SEMA6D: variants seen among roughly 807,000 people sequenced by gnomAD.
The protein encoded by SEMA6D is semaphorin 6D.
A neutral mutation model predicts 106.6 loss-of-function variants in SEMA6D; 35 were observed. That is an observed-to-expected ratio of 0.33 (90% CI 0.25 to 0.44). The LOEUF (loss-of-function observed/expected upper bound fraction) is 0.44, where lower values mean the gene tolerates loss of function less well. Ranked by LOEUF, SEMA6D falls within the 20% of genes least tolerant of loss-of-function variation. SEMA6D has a pLI of 1.00. For synonymous variants in SEMA6D, 499 were observed against 487.7 expected, an observed-to-expected ratio of 1.02 and a Z score of -0.31; for missense variants, 1,185 against 1,345.9, an observed-to-expected ratio of 0.88 and a Z score of 1.87.
rs558846930 is a variant in SEMA6D at position 47,527,032 on chromosome 15, C to T, written c.-87+56487C>T. On this transcript the variant is annotated intron_variant, in intron 3 of 19. Coordinates refer to the SEMA6D transcript ENST00000558014. ...GGTTACAGGCGTGAGCCACTGCACC[C>T]GGCCTGAACCAGTAATTCTTAATTG... Among the ~76,000 whole-genome samples the T allele has an allele frequency of 5.3e-5, 8 of 152,098 alleles. 1 individual carries two copies. Among genetic ancestry groups the T allele is most frequent in the Admixed American group, 4.6e-4 (7 of 15,268 alleles).
At chr15:47,657,803 A>G (rs1227767433) in intron 4 of SEMA6D, among the ~76,000 whole-genome samples, 2 of 119,426 alleles carry the variant, frequency 1.7e-5, no homozygotes, top group African/African-American at 3.3e-5. Context: ...GTGCAGTGGC[A>G]GATCTCGGCT....
At chr15:47,555,614 C>T (rs1173335107) in intron 3 of SEMA6D, among the ~76,000 whole-genome samples, 1 of 152,116 alleles carries the variant, frequency 6.6e-6, no homozygotes, top group Non-Finnish European at 1.5e-5. Flanking sequence ...GAGTCTCCTA[C>T]AACATAGATT....
At chr15:47,461,551 A>G (rs999111413) in intron 2 of SEMA6D, among the ~76,000 whole-genome samples, 6 of 152,084 alleles carry the variant, frequency 3.9e-5, no homozygotes, top group Non-Finnish European at 8.8e-5. Context: ...CATAGCATAG[A>G]ACAGTATTTC....
intron 1 of SEMA6D, among the ~76,000 whole-genome samples, chr15:47,744,522 C>G (rs144033811): frequency 1.3e-5 from 2 of 151,962 alleles, no homozygotes; most frequent in African/African-American, 2.4e-5. Context: ...TGAGAAAGCT[C>G]GAAGAGACAC....
At chr15:47,230,306 A>G (rs1261926853) in intron 1 of SEMA6D, among the ~76,000 whole-genome samples, 1 of 152,216 alleles carries the variant, frequency 6.6e-6, no homozygotes, top group Non-Finnish European at 1.5e-5. Context: ...TAATCTATGT[A>G]AAGTTGTATA....
intron 3 of SEMA6D, among the ~76,000 whole-genome samples, chr15:47,532,839 T>TATA (rs1279022362): frequency 2.0e-5 from 3 of 152,338 alleles, no homozygotes; most frequent in African/African-American, 7.2e-5. Flanking sequence ...AAATTCACTA[T>TATA]ATATAAATTT....
chr15:47,252,974 C>T (rs1464461330), intron 1 of SEMA6D, among the ~76,000 whole-genome samples: 4 of 151,986 alleles, frequency 2.6e-5, no homozygotes, highest in African/African-American at 9.7e-5. Flanking sequence ...AATCTCCATA[C>T]TGTTTTCCAT....
intron 2 of SEMA6D, among the ~76,000 whole-genome samples, chr15:47,464,686 T>C (rs2141082326): frequency 6.6e-6 from 1 of 152,268 alleles, no homozygotes; most frequent in African/African-American, 2.4e-5. Flanking sequence ...TAGTCCTCCA[T>C]GTGCACAAAC....
intron 1 of SEMA6D, among the ~76,000 whole-genome samples, chr15:47,723,037 C>T (rs2079514125): frequency 6.6e-6 from 1 of 152,124 alleles, no homozygotes; most frequent in Admixed American, 6.5e-5. Context: ...TTCACCACTG[C>T]ACCGGATTGC....
intron 4 of SEMA6D, among the ~76,000 whole-genome samples, chr15:47,674,470 A>T (rs955654876): frequency 1.3e-5 from 2 of 152,204 alleles, no homozygotes; most frequent in African/African-American, 4.8e-5. Context: ...ATTGTCAATA[A>T]ACTATTCTTT....
At chr15:47,598,392 A>G (rs1415964132) in intron 3 of SEMA6D, among the ~76,000 whole-genome samples, 2 of 152,282 alleles carry the variant, frequency 1.3e-5, no homozygotes, top group African/African-American at 4.8e-5. Context: ...TTTTGGTTTT[A>G]GGGAAATCCA....
chr15:47,500,960 G>A (rs1478635773), intron 3 of SEMA6D, among the ~76,000 whole-genome samples: 2 of 152,076 alleles, frequency 1.3e-5, no homozygotes, highest in Admixed American at 1.3e-4. Context: ...TGTGAAACAG[G>A]TATGCTATTT....
Position 47,434,025 on chromosome 15 carries a change from A to G in SEMA6D, c.-159+21553A>G, listed in dbSNP as rs552676049. On this transcript the variant is annotated intron_variant, in intron 2 of 19. Coordinates refer to the SEMA6D transcript ENST00000558014. ...GTTTTCATCATCTGAATAAATTCCAAAAGTTGGCTAAAATCATAAGTGGTG... is the reference window on the plus strand; with the variant it reads ...GTTTTCATCATCTGAATAAATTCCAGAAGTTGGCTAAAATCATAAGTGGTG... 1.1e-3 allele frequency among the ~76,000 whole-genome samples: 172 copies of G among 152,236 alleles called. 1 individual carries two copies. The highest frequency in any genetic ancestry group is 4.0e-3 in the African/African-American group (168 of 41,558).
chr15:47,462,473 T>TA (rs1264264983), intron 2 of SEMA6D, among the ~76,000 whole-genome samples: 12 of 152,058 alleles, frequency 7.9e-5, no homozygotes, highest in Admixed American at 7.2e-4. Flanking sequence ...GGTTTTTTTT[T>TA]AGGAAACTGA....
intron 3 of SEMA6D, among the ~76,000 whole-genome samples, chr15:47,519,318 A>G (rs2044494248): frequency 6.6e-6 from 1 of 152,188 alleles, no homozygotes; most frequent in African/African-American, 2.4e-5. Flanking sequence ...GCAATACGAC[A>G]TTTTGATAGC....
intron 1 of SEMA6D, among the ~76,000 whole-genome samples, chr15:47,410,470 G>A (rs2040752716): frequency 6.6e-6 from 1 of 152,150 alleles, no homozygotes; most frequent in Non-Finnish European, 1.5e-5. Context: ...CCTTTTAAAT[G>A]TTATAGCTGT....
intron 4 of SEMA6D, among the ~76,000 whole-genome samples, chr15:47,638,513 A>C (rs1843687953): frequency 6.6e-6 from 1 of 152,140 alleles, no homozygotes; most frequent in South Asian, 2.1e-4. Context: ...CATTTATATG[A>C]TTTTTTTCTC....
At chr15:47,768,099 C>CA (rs2082439065) in intron 17 of SEMA6D, among the ~76,000 whole-genome samples, 2 of 152,140 alleles carry the variant, frequency 1.3e-5, no homozygotes, top group African/African-American at 4.8e-5. Flanking sequence ...GCTGGTTTGT[C>CA]ACGTCCAAAA....
intron 1 of SEMA6D, among the ~76,000 whole-genome samples, chr15:47,303,007 T>C (rs1448463148): frequency 9.8e-5 from 15 of 152,336 alleles, no homozygotes. Flanking sequence ...ACCACTCTGC[T>C]AACTGAGCTG....
Sources: allele counts gnomAD v4.1 joint callset (sites outside exome capture counted in the v4.1 genomes callset), GRCh38; gene constraint gnomAD v4.1.1; transcripts MANE v1.5; gene names NCBI Gene and HGNC (gene_info 2026-07-23, HGNC 2026-07-21).